ACSS1: variants seen among roughly 807,000 people sequenced by gnomAD.
The protein encoded by ACSS1 is acetyl-coenzyme A synthetase 2-like, mitochondrial.
ACSS1 carries 42 observed loss-of-function variants against 75.3 expected under a neutral mutation model. That is an observed-to-expected ratio of 0.56 (90% CI 0.44 to 0.72). ACSS1 has a LOEUF of 0.72. Among genes scored for constraint, ACSS1 ranks in the 30% least tolerant of loss-of-function variants. The pLI is 0.00. For missense variants in ACSS1, 782 were observed against 935.7 expected (o/e 0.84, Z 2.14); for synonymous variants, 380 against 376.8 (o/e 1.01, Z -0.10).
intron 1 of ACSS1, among the ~76,000 whole-genome samples, chr20:25,052,499 AC>A (rs1341440728): frequency 1.3e-5 from 2 of 152,194 alleles, no homozygotes; most frequent in African/African-American, 2.4e-5. Context: ...AAGGGCAGGG[AC>A]TGTGTCCCTA....
intron 1 of ACSS1, among the ~76,000 whole-genome samples, chr20:25,055,191 G>A (rs184138520): frequency 6.6e-6 from 1 of 152,302 alleles, no homozygotes; most frequent in Non-Finnish European, 1.5e-5. Flanking sequence ...ATCGGGCCCT[G>A]TCCAAAGTCC....
At position 25,031,091 on chromosome 20, in the gene ACSS1, T is replaced by A; in HGVS notation, c.432-133A>T. The A allele has an allele frequency of 3.4e-6, 3 of 873,194 alleles. No homozygotes were observed. The South Asian group carries it at 4.3e-5, about 13-fold the overall frequency. The allele number at this position is 873,194 out of a possible 1,614,324, so 54.1% of individuals were successfully genotyped here. ...AGTGCCAGGAAAACAGGCACTTGAA[T>A]ACTTAATGCATGGAAAGTACTTTTC... On this transcript the variant is annotated intron_variant, in intron 2 of 13. Coordinates refer to ENST00000323482, the MANE Select transcript of ACSS1 (RefSeq NM_032501.4).
chr20:25,038,127 T>C (rs1433835217), intron 2 of ACSS1, among the ~76,000 whole-genome samples: 1 of 152,204 alleles, frequency 6.6e-6, no homozygotes, highest in Admixed American at 6.5e-5. Flanking sequence ...GAGTTGCTAG[T>C]AGTGATGCCA....
chr20:25,049,834 C>T (rs982718233), intron 1 of ACSS1, among the ~76,000 whole-genome samples: 5 of 152,054 alleles, frequency 3.3e-5, no homozygotes, highest in Non-Finnish European at 7.3e-5. Flanking sequence ...TCTGTCCCAC[C>T]GCCCCACCCT....
chr20:25,034,574 C>CT (rs536122557), intron 2 of ACSS1, among the ~76,000 whole-genome samples: 1,792 of 147,202 alleles, frequency 0.012, 34 homozygotes, highest in African/African-American at 0.041. Context: ...TATATTTAAC[C>CT]TTTTTTTTTT....
At chr20:25,033,988 C>T (rs1468481366) in intron 2 of ACSS1, among the ~76,000 whole-genome samples, 1 of 152,218 alleles carries the variant, frequency 6.6e-6, no homozygotes, top group Non-Finnish European at 1.5e-5. Flanking sequence ...GAAGCAGGGT[C>T]TGGTGAGTCT....
Position 25,007,683 on chromosome 20 carries a change from A to C in ACSS1, c.*79T>G, listed in dbSNP as rs547366070. ...TGCTTCTGGGACGTAGGAAGACGCC[A>C]ACCTCAGGGGTACCTTCTGGGAAGG... On this transcript the variant is annotated 3_prime_UTR_variant, in exon 14 of 14. Transcript: ENST00000323482. The C allele has an allele frequency of 1.9e-5, 30 of 1,558,376 alleles. No homozygotes were observed. In the African/African-American group the frequency reaches 2.2e-4, roughly 11 times the overall value.
At chr20:25,033,178 G>A (rs1490601112) in intron 2 of ACSS1, among the ~76,000 whole-genome samples, 1 of 152,218 alleles carries the variant, frequency 6.6e-6, no homozygotes, top group African/African-American at 2.4e-5. Flanking sequence ...GCCAGATTCC[G>A]TTTTCATAGC....
At chr20:25,048,712 A>T (rs1568849884) in intron 1 of ACSS1, among the ~76,000 whole-genome samples, 1 of 152,270 alleles carries the variant, frequency 6.6e-6, no homozygotes, top group Non-Finnish European at 1.5e-5. Flanking sequence ...ACGAGCACCC[A>T]GTAAACCAGC....
At chr20:25,011,633 T>TA (rs2088412092) in intron 12 of ACSS1, 1 of 152,352 alleles carries the variant, frequency 6.6e-6, no homozygotes, top group African/African-American at 2.4e-5. Flanking sequence ...CAGGGGTCCC[T>TA]ACCAGCTCTC....
At position 25,050,572 on chromosome 20, in the gene ACSS1, A is replaced by T. The variant is rs867140721; in HGVS notation, c.335-2391T>A. ...AGCCCCCCGGAAGAGTGGCCTGCCC[A>T]GGTGTAGATGAGCAAACGCCCTCTG... On this transcript the variant is annotated intron_variant, in intron 1 of 13. Coordinates refer to ENST00000323482, the MANE Select transcript of ACSS1 (RefSeq NM_032501.4). 2.6e-5 allele frequency among the ~76,000 whole-genome samples: 4 copies of T among 152,154 alleles called. No individual in the cohort carries two copies. In the Middle Eastern group the frequency reaches 0.014, roughly 518 times the overall value.
chr20:25,052,455 G>A (rs909805636), intron 1 of ACSS1, among the ~76,000 whole-genome samples: 4 of 152,164 alleles, frequency 2.6e-5, no homozygotes, highest in African/African-American at 9.7e-5. Context: ...ATGCTCCCTG[G>A]TGGTCCCCAT....
rs530413141 is a variant in ACSS1, at chr20:25,007,631, G to A, written c.*131C>T. 2.1e-5 allele frequency: 31 copies of A among 1,512,176 alleles called. No individual in the cohort carries two copies. Among genetic ancestry groups the A allele is most frequent in the South Asian group, 1.5e-4 (11 of 75,606 alleles). 93.7% of individuals were successfully genotyped at this position (1,512,176 alleles called of 1,614,324 possible). On this transcript the variant is annotated 3_prime_UTR_variant, in exon 14 of 14. Transcript: ENST00000323482. ...TCTCAGCCCAGCTTCACGTGAGGGC[G>A]GTGTGGGTCATGTGTGGGGTGGGGG... is the stretch of plus-strand genomic sequence containing the variant.
At chr20:25,018,719 T>C (rs990075658) in intron 7 of ACSS1, among the ~76,000 whole-genome samples, 2 of 152,238 alleles carry the variant, frequency 1.3e-5, no homozygotes, top group African/African-American at 4.8e-5. Context: ...TATTTGCTCT[T>C]ATTAATAGTA....
At chr20:25,053,325 A>G (rs1371195714) in intron 1 of ACSS1, among the ~76,000 whole-genome samples, 1 of 150,124 alleles carries the variant, frequency 6.7e-6, no homozygotes, top group Non-Finnish European at 1.5e-5. Context: ...TCAGCCTCCC[A>G]AAGTACTGGG....
At chr20:25,020,191 G>C in intron 6 of ACSS1, 44 bp from the exon 7 acceptor site, 1 of 1,611,822 alleles carries the variant, frequency 6.2e-7, no homozygotes, top group Non-Finnish European at 8.5e-7. Flanking sequence ...GAGCTGACAT[G>C]GTTTACTTTA....
chr20:25,055,272 T>C (rs1444978569), intron 1 of ACSS1, among the ~76,000 whole-genome samples: 1 of 152,238 alleles, frequency 6.6e-6, no homozygotes, highest in Non-Finnish European at 1.5e-5. Context: ...GGTGGTTTGA[T>C]GTACATCAAT....
intron 2 of ACSS1, among the ~76,000 whole-genome samples, chr20:25,039,670 C>A (rs2088971094): frequency 1.3e-5 from 2 of 152,234 alleles, no homozygotes; most frequent in South Asian, 4.1e-4. Flanking sequence ...AATCCCACAT[C>A]CTTAGTTTTT....
At chr20:25,016,616 G>A (rs1600311535) in intron 7 of ACSS1, among the ~76,000 whole-genome samples, 2 of 152,184 alleles carry the variant, frequency 1.3e-5, no homozygotes, top group South Asian at 4.1e-4. Context: ...GATCAGTGCT[G>A]GCCACATTGG....
Sources: allele counts gnomAD v4.1 joint callset (sites outside exome capture counted in the v4.1 genomes callset), GRCh38; gene constraint gnomAD v4.1.1; transcripts MANE v1.5; gene names NCBI Gene and HGNC (gene_info 2026-07-23, HGNC 2026-07-21).